SLIT2: variants seen among roughly 807,000 people sequenced by gnomAD.
SLIT2 encodes slit homolog 2 protein.
A neutral mutation model predicts 185.7 loss-of-function variants in SLIT2; 41 were observed. That is an observed-to-expected ratio of 0.22 (90% confidence interval 0.17 to 0.29). The LOEUF (loss-of-function observed/expected upper bound fraction) is 0.29, where lower values mean the gene tolerates loss of function less well. Among genes scored for constraint, SLIT2 ranks in the 10% least tolerant of loss-of-function variants. SLIT2 has a pLI of 1.00. For synonymous variants in SLIT2, 693 were observed against 680.2 expected (o/e 1.02, Z -0.29); for missense variants, 1,571 against 1,909.0 (o/e 0.82, Z 3.30).
chr4:20,570,534 G>T (rs2148918466), intron 29 of SLIT2, among the ~76,000 whole-genome samples: 1 of 151,498 alleles, frequency 6.6e-6, no homozygotes, highest in Non-Finnish European at 1.5e-5. Context: ...TCTGCTACCT[G>T]GTACCTTCTT....
chr4:20,314,193 T>A (rs1718378753), intron 4 of SLIT2, among the ~76,000 whole-genome samples: 1 of 152,174 alleles, frequency 6.6e-6, no homozygotes, highest in Non-Finnish European at 1.5e-5. Flanking sequence ...TTTTTGCCTG[T>A]GTTATCTTGG....
intron 4 of SLIT2, among the ~76,000 whole-genome samples, chr4:20,422,093 C>T (rs1443208222): frequency 6.6e-6 from 1 of 152,130 alleles, no homozygotes; most frequent in African/African-American, 2.4e-5. Context: ...GTTCACACTT[C>T]ATAATACGTT....
chr4:20,579,441 A>G (rs1242595597), intron 29 of SLIT2, among the ~76,000 whole-genome samples: 1 of 152,194 alleles, frequency 6.6e-6, no homozygotes, highest in Non-Finnish European at 1.5e-5. Flanking sequence ...TTTAATAATA[A>G]TTAAAAATAA....
intron 29 of SLIT2, among the ~76,000 whole-genome samples, chr4:20,588,318 GA>G (rs939175937): frequency 2.6e-5 from 4 of 152,154 alleles, no homozygotes; most frequent in African/African-American, 9.7e-5. Flanking sequence ...TGCATCACGG[GA>G]AAAGACTCTT....
intron 36 of SLIT2, 115 bp downstream of exon 36, chr4:20,617,765 CAG>C (rs200642787): frequency 0.019 from 13,039 of 688,290 alleles, 190 homozygotes; most frequent in Middle Eastern, 0.031. Context: ...GCAACAGAGA[CAG>C]AGAGAGGGGA....
intron 4 of SLIT2, among the ~76,000 whole-genome samples, chr4:20,281,062 A>G (rs2109056335): frequency 6.6e-6 from 1 of 151,974 alleles, no homozygotes; most frequent in East Asian, 1.9e-4. Flanking sequence ...CAAACTTCAC[A>G]CCTCAGGTGA....
intron 5 of SLIT2, among the ~76,000 whole-genome samples, chr4:20,470,257 G>A (rs1043184776): frequency 2.0e-5 from 3 of 152,110 alleles, no homozygotes; most frequent in Non-Finnish European, 4.4e-5. Context: ...AACATGAAAT[G>A]ATTAGCAATA....
At chr4:20,475,768 G>C (rs1366333134) in intron 5 of SLIT2, among the ~76,000 whole-genome samples, 2 of 151,938 alleles carry the variant, frequency 1.3e-5, no homozygotes, top group Non-Finnish European at 2.9e-5. Context: ...CAATTCCCAG[G>C]ACTTAATGTC....
intron 4 of SLIT2, among the ~76,000 whole-genome samples, chr4:20,285,667 C>T (rs184293840): frequency 4.1e-4 from 62 of 152,280 alleles, no homozygotes; most frequent in Non-Finnish European, 6.3e-4. Flanking sequence ...CCCTCCTAAA[C>T]CTCCCAAGTA....
At chr4:20,551,748 C>T (rs1235650990) in intron 25 of SLIT2, among the ~76,000 whole-genome samples, 4 of 152,234 alleles carry the variant, frequency 2.6e-5, no homozygotes, top group Admixed American at 2.0e-4. Context: ...TGGTTTTGCA[C>T]TTCTCTCGAA....
intron 4 of SLIT2, among the ~76,000 whole-genome samples, chr4:20,343,786 C>T (rs1721156696): frequency 1.5e-5 from 2 of 130,878 alleles, no homozygotes; most frequent in African/African-American, 3.0e-5. Flanking sequence ...GGATTATAGG[C>T]ATGAGTCCTT....
intron 4 of SLIT2, among the ~76,000 whole-genome samples, chr4:20,310,765 C>T (rs1718034730): frequency 6.6e-6 from 1 of 152,160 alleles, no homozygotes; most frequent in African/African-American, 2.4e-5. Flanking sequence ...TAAGTTTCCA[C>T]TCATAAATCT....
chr4:20,425,186 A>G (rs1159156159), intron 4 of SLIT2, among the ~76,000 whole-genome samples: 1 of 152,120 alleles, frequency 6.6e-6, no homozygotes, highest in Non-Finnish European at 1.5e-5. Flanking sequence ...TATTTTTTTA[A>G]TTAATGACTT....
chr4:20,475,760 A>G (rs775722013), intron 5 of SLIT2, among the ~76,000 whole-genome samples: 1 of 152,104 alleles, frequency 6.6e-6, no homozygotes, highest in Non-Finnish European at 1.5e-5. Context: ...TTCACTTACA[A>G]TTCCCAGGAC....
rs543684308 is a variant in SLIT2 at position 20,399,781 on chromosome 4, A to T, written c.396-67971A>T. Reference sequence around the variant, plus strand: ...GGTGTCTCTCCTAGAACTTTATCACACAAAAACCACCCTTACTGAAGAGCT... The same window carrying T: ...GGTGTCTCTCCTAGAACTTTATCACTCAAAAACCACCCTTACTGAAGAGCT... On this transcript the variant is annotated intron_variant, in intron 4 of 36. Transcript: ENST00000504154. Among the ~76,000 whole-genome samples the T allele has an allele frequency of 4.6e-5, 7 of 151,910 alleles. No homozygotes were observed. The Admixed American group carries it at 4.6e-4, about 10-fold the overall frequency.
At chr4:20,604,389 G>A (rs7436897) in intron 33 of SLIT2, among the ~76,000 whole-genome samples, 24,679 of 152,038 alleles carry the variant, frequency 0.16, 2,205 homozygotes, top group African/African-American at 0.23. Context: ...TTGCTCTGTC[G>A]CCCAGGCTGG....
intron 9 of SLIT2, among the ~76,000 whole-genome samples, chr4:20,502,189 A>T (rs1253619543): frequency 6.6e-6 from 1 of 152,220 alleles, no homozygotes; most frequent in South Asian, 2.1e-4. Context: ...GTTGAGAAGT[A>T]AAACTGAATA....
intron 4 of SLIT2, among the ~76,000 whole-genome samples, chr4:20,441,376 C>T (rs1729724801): frequency 6.6e-6 from 1 of 152,174 alleles, no homozygotes; most frequent in South Asian, 2.1e-4. Flanking sequence ...TTCAACTACA[C>T]AGTTTCACTA....
chr4:20,342,717 C>CTTTTTTTT (rs11373611), intron 4 of SLIT2, among the ~76,000 whole-genome samples: 4 of 69,682 alleles, frequency 5.7e-5, no homozygotes, highest in Non-Finnish European at 7.3e-5. Context: ...GACTATCGCA[C>CTTTTTTTT]TTTTTTTTTT....
Sources: gnomAD v4.1 joint callset for allele counts (sites outside exome capture counted in the v4.1 genomes callset) on GRCh38, gnomAD v4.1.1 for gene constraint, MANE v1.5 for transcripts, NCBI Gene and HGNC (gene_info 2026-07-23, HGNC 2026-07-21) for gene names.